The following POTEJ variants were observed in gnomAD, a reference collection of about 807,000 sequenced individuals.
POTEJ encodes the protein POTE ankyrin domain family member J.
A neutral mutation model predicts 69.0 loss-of-function variants in POTEJ; 11 were observed. The observed-to-expected ratio is 0.16, with a 90% CI of 0.10 to 0.26. The LOEUF (loss-of-function observed/expected upper bound fraction) is 0.26. Among genes scored for constraint, POTEJ ranks in the 10% least tolerant of loss-of-function variants. POTEJ has a pLI of 1.00. For synonymous variants in POTEJ, 117 were observed against 381.1 expected, an observed-to-expected ratio of 0.31 and a Z score of 8.07; for missense variants, 327 against 1,045.5, an observed-to-expected ratio of 0.31 and a Z score of 9.48.
chr2:130,649,330 C>A (rs866066406), intron 13 of POTEJ, among the ~76,000 whole-genome samples: 1 of 152,210 alleles, frequency 6.6e-6, no homozygotes, highest in Non-Finnish European at 1.5e-5. Context: ...TCCAGTTGCT[C>A]TGCCAAAAAC....
intron 6 of POTEJ, among the ~76,000 whole-genome samples, chr2:130,624,802 A>C (rs545370879): frequency 1.3e-5 from 2 of 152,082 alleles, no homozygotes; most frequent in East Asian, 1.9e-4. Context: ...AGGTCTCACT[A>C]TTACTGACTT....
At chr2:130,629,025 A>T (rs553127494) in intron 6 of POTEJ, among the ~76,000 whole-genome samples, 1 of 152,270 alleles carries the variant, frequency 6.6e-6, no homozygotes, top group South Asian at 2.1e-4. Context: ...GCTCAAAAAA[A>T]AAAAAGAAAG....
At chr2:130,644,474 AATAT>A (rs778514105) in intron 11 of POTEJ, among the ~76,000 whole-genome samples, 1 of 151,960 alleles carries the variant, frequency 6.6e-6, no homozygotes, top group Admixed American at 6.6e-5. Context: ...ATCTGAAAAA[AATAT>A]ATATATATAT....
intron 14 of POTEJ, among the ~76,000 whole-genome samples, chr2:130,656,038 C>T (rs1158033537): frequency 1.2e-3 from 164 of 135,622 alleles, no homozygotes; most frequent in Middle Eastern, 7.9e-3. Flanking sequence ...TGTAGAATAT[C>T]GGTAAAATGT....
chr2:130,657,570 T>C lies in POTEJ; in HGVS notation c.2810T>C (p.Ile937Thr), dbSNP rs1432534548. The C allele has an allele frequency of 6.4e-7, 1 of 1,550,466 alleles. No individual in the cohort carries two copies. The highest frequency in any genetic ancestry group is 1.7e-5 in the Admixed American group (1 of 57,614). Residue 937 changes from isoleucine (I) to threonine (T), a missense_variant, in exon 15 of 15, where the codon ATC (isoleucine) becomes ACC (threonine). By Grantham distance (89) the Ile-to-Thr change is moderately conservative. Coordinates refer to ENST00000409602, the MANE Select transcript of POTEJ (RefSeq NM_001277083.2). The part of the protein sequence containing the change: ...PCFLGMESCG[I>T]HETTFNSIMK... ...TTCCTGGGCATGGAATCCTGTGGCA[T>C]CCATGAAACTACCTTCAACTCCATC...
At position 130,615,582 on chromosome 2, in the gene POTEJ, G is replaced by C. The variant is rs554981238; in HGVS notation, c.411-1208G>C. Among the ~76,000 whole-genome samples, 226 of 140,672 alleles carry C rather than the reference G, an allele frequency of 1.6e-3. 20 individuals carry two copies. The highest frequency in any genetic ancestry group is 7.1e-3 in the Middle Eastern group (2 of 282). 92.3% of individuals were successfully genotyped at this position (140,672 alleles called of 152,430 possible). On this transcript the variant is annotated intron_variant, in intron 1 of 14. Transcript: ENST00000409602. The stretch of plus-strand genomic sequence containing the variant: ...GAACACACAGATACCTAGAGGGAAG[G>C]AACACACACTGGGGCCTATCAGAGG...
intron 10 of POTEJ, among the ~76,000 whole-genome samples, chr2:130,641,534 T>A (rs1249867355): frequency 6.6e-6 from 1 of 150,516 alleles, no homozygotes; most frequent in African/African-American, 2.4e-5. Flanking sequence ...AGAGGTATAG[T>A]CAATATGATT....
chr2:130,656,073 C>A (rs1371746815), intron 14 of POTEJ, among the ~76,000 whole-genome samples: 1 of 145,214 alleles, frequency 6.9e-6, no homozygotes, highest in East Asian at 1.9e-4. Flanking sequence ...ACTTAAAGAA[C>A]TTTGAGAAAT....
intron 8 of POTEJ, among the ~76,000 whole-genome samples, chr2:130,632,001 A>G (rs1210809300): frequency 7.7e-5 from 11 of 143,762 alleles, no homozygotes; most frequent in African/African-American, 2.7e-4. Flanking sequence ...AGTGGGGGAG[A>G]AGAATATCTT....
intron 13 of POTEJ, among the ~76,000 whole-genome samples, chr2:130,646,984 TA>T (rs1448121124): frequency 6.7e-6 from 1 of 149,718 alleles, no homozygotes; most frequent in African/African-American, 2.6e-5. Context: ...ATAATACATG[TA>T]AAGGATATTT....
At position 130,631,828 on chromosome 2, in the gene POTEJ, A is replaced by T. The variant is rs1478083727; in HGVS notation, c.1131+375A>T. Among the ~76,000 whole-genome samples the T allele has an allele frequency of 2.1e-5, 3 of 143,048 alleles. 1 individual carries two copies. The highest frequency in any genetic ancestry group is 2.1e-4 in the Admixed American group (3 of 14,528). The allele number at this position is 143,048 out of a possible 152,430, so 93.8% of individuals were successfully genotyped here. On this transcript the variant is annotated intron_variant, in intron 8 of 14. Coordinates refer to ENST00000409602, the MANE Select transcript of POTEJ (RefSeq NM_001277083.2). The stretch of plus-strand genomic sequence containing the variant: ...AGCTAGATAATTGTATGGCTATTCA[A>T]TGTGAAATTTGGGGAGCATCTCATT...
intron 3 of POTEJ, among the ~76,000 whole-genome samples, chr2:130,618,327 G>T (rs1685438651): frequency 6.6e-6 from 1 of 152,310 alleles, no homozygotes; most frequent in Admixed American, 6.5e-5. Context: ...CTAGCTTTCA[G>T]CTAGAATTGT....
At chr2:130,612,648 A>G (rs1272127668) in intron 1 of POTEJ, among the ~76,000 whole-genome samples, 2 of 142,768 alleles carry the variant, frequency 1.4e-5, no homozygotes, top group Non-Finnish European at 3.1e-5. Flanking sequence ...CTGTAGTCCC[A>G]GCTACTCAGG....
At chr2:130,642,156 A>T (rs1196025541) in intron 10 of POTEJ, among the ~76,000 whole-genome samples, 1 of 148,006 alleles carries the variant, frequency 6.8e-6, no homozygotes, top group Non-Finnish European at 1.5e-5. Context: ...CCTGCAGCCA[A>T]TCAGAATTTT....
At chr2:130,612,117 CA>C (rs1327710184) in intron 1 of POTEJ, among the ~76,000 whole-genome samples, 175 bp downstream of exon 1, 1 of 151,758 alleles carries the variant, frequency 6.6e-6, no homozygotes, top group Non-Finnish European at 1.5e-5. Flanking sequence ...GCAACACACA[CA>C]AAAAAAACTT....
At chr2:130,651,904 A>T (rs1318315215) in intron 13 of POTEJ, among the ~76,000 whole-genome samples, 2 of 144,612 alleles carry the variant, frequency 1.4e-5, no homozygotes, top group Non-Finnish European at 3.0e-5. Flanking sequence ...TTTCAAACAA[A>T]ATCATAAGTA....
At chr2:130,613,451 G>A (rs1176468037) in intron 1 of POTEJ, among the ~76,000 whole-genome samples, 11 of 141,166 alleles carry the variant, frequency 7.8e-5, no homozygotes, top group Non-Finnish European at 1.2e-4. Context: ...GCCCAAGCTG[G>A]AGTGCAGTGG....
At chr2:130,630,909 G>A (rs1363453136) in intron 7 of POTEJ, among the ~76,000 whole-genome samples, 15 of 143,190 alleles carry the variant, frequency 1.0e-4, no homozygotes, top group Non-Finnish European at 1.5e-4. Context: ...TGTTGATTTC[G>A]GCTCCTAATA....
chr2:130,625,332 T>A (rs1287444565), intron 6 of POTEJ, among the ~76,000 whole-genome samples: 1 of 152,034 alleles, frequency 6.6e-6, no homozygotes. Flanking sequence ...TAACCATTTT[T>A]CTAATGCTAT....
Sources: allele counts gnomAD v4.1 joint callset (sites outside exome capture counted in the v4.1 genomes callset), GRCh38; gene constraint gnomAD v4.1.1; transcripts MANE v1.5; gene names NCBI Gene and HGNC (gene_info 2026-07-23, HGNC 2026-07-21).